The following FRAS1 variants were observed in gnomAD, a reference collection of about 807,000 sequenced individuals.
FRAS1 encodes Fraser extracellular matrix complex subunit 1.
FRAS1 carries 290 observed loss-of-function variants against 435.2 expected under a neutral mutation model. That is an observed-to-expected ratio of 0.67 (90% confidence interval 0.61 to 0.73). FRAS1 has a LOEUF of 0.73. Among genes scored for constraint, FRAS1 ranks in the 30% least tolerant of loss-of-function variants. The pLI is 0.00. For synonymous variants in FRAS1, 1,800 were observed against 1,851.0 expected (o/e 0.97, Z 0.71); for missense variants, 4,860 against 5,001.5 (o/e 0.97, Z 0.85).
chr4:78,280,580 CT>C (rs34405763), intron 10 of FRAS1, among the ~76,000 whole-genome samples: 10,014 of 141,782 alleles, frequency 0.071, 512 homozygotes, highest in East Asian at 0.3. Context: ...TTCCTCCATA[CT>C]TTTTTTTTTT....
intron 59 of FRAS1, among the ~76,000 whole-genome samples, chr4:78,494,200 T>C (rs988053166): frequency 6.6e-6 from 1 of 152,220 alleles, no homozygotes; most frequent in African/African-American, 2.4e-5. Context: ...CTGTTTTTAC[T>C]CAGCAATGTT....
intron 1 of FRAS1, among the ~76,000 whole-genome samples, chr4:78,063,219 G>A (rs1303303487): frequency 6.6e-6 from 1 of 152,166 alleles, no homozygotes; most frequent in Admixed American, 6.5e-5. Flanking sequence ...TCAACCAGAA[G>A]CTACACCCAG....
In FRAS1 at chr4:78,387,539, C is replaced by T; in HGVS notation, c.3813C>T (p.Ser1271=). 1 of 1,613,736 alleles carries T rather than the reference C, an allele frequency of 6.2e-7. No homozygotes were observed. The highest frequency in any genetic ancestry group is 8.5e-7 in the Non-Finnish European group (1 of 1,179,826). Residue 1271 remains serine (S), a synonymous_variant, in exon 29 of 74, where the codon TCC becomes TCT. Transcript: ENST00000512123. Reference sequence around the variant, plus strand: ...GCCAATTGCTTCAGACACTTCAGTCCCCGGCAACCCCTATCTATCAATTCC... The same window carrying T: ...GCCAATTGCTTCAGACACTTCAGTCTCCGGCAACCCCTATCTATCAATTCC... ...LHGQLLQTLQ[S]PATPIYQFQL... is the part of the protein sequence containing the mutation.
chr4:78,064,747 A>G (rs967399077), intron 1 of FRAS1, among the ~76,000 whole-genome samples: 3 of 151,878 alleles, frequency 2.0e-5, no homozygotes, highest in South Asian at 4.2e-4. Flanking sequence ...ACTGGAGGAG[A>G]AGGTAGACCA....
At chr4:78,509,165 G>A (rs200833353) in intron 63 of FRAS1, among the ~76,000 whole-genome samples, 159 bp downstream of exon 63, 1 of 70,540 alleles carries the variant, frequency 1.4e-5, no homozygotes, top group Non-Finnish European at 2.6e-5. Flanking sequence ...CATAAGAAAA[G>A]GTTATATGCT....
At chr4:78,105,232 C>T (rs1197399743) in intron 2 of FRAS1, among the ~76,000 whole-genome samples, 1 of 152,164 alleles carries the variant, frequency 6.6e-6, no homozygotes, top group Non-Finnish European at 1.5e-5. Flanking sequence ...TTGCCTTCCA[C>T]ATCTGCTCTG....
At chr4:78,196,276 G>A (rs991482782) in intron 2 of FRAS1, among the ~76,000 whole-genome samples, 1 of 152,092 alleles carries the variant, frequency 6.6e-6, no homozygotes, top group Non-Finnish European at 1.5e-5. Context: ...CAAAGTGCTG[G>A]GGTTACAGGT....
intron 15 of FRAS1, among the ~76,000 whole-genome samples, chr4:78,311,401 T>C (rs345525): frequency 0.64 from 97,872 of 151,990 alleles, 32,039 homozygotes; most frequent in Non-Finnish European, 0.7. Context: ...TTGTTCTCTC[T>C]CCTAGCCCTT....
In FRAS1 at chr4:78,511,313, C is replaced by A; in HGVS notation, c.9820C>A (p.Arg3274Ser). The change falls in exon 64 of 74, where the codon CGT (arginine) becomes AGT (serine). Residue 3274 changes from arginine (R) to serine (S), a missense_variant. Arg to Ser is a moderately radical substitution (Grantham distance 110). Coordinates refer to ENST00000512123, the MANE Select transcript of FRAS1 (RefSeq NM_025074.7). ...SIYFSRRFHV[R>S]CVAKAVDKVG... ...TTACTTCAGCCGGAGGTTCCATGTG[C>A]GTTGTGTGGCCAAGGCTGTGGACAA... The A allele has an allele frequency of 6.2e-7, 1 of 1,609,400 alleles. No homozygotes were observed. Among genetic ancestry groups the A allele is most frequent in the Non-Finnish European group, 8.5e-7 (1 of 1,176,380 alleles).
At chr4:78,405,068 A>C (rs1318369487) in intron 30 of FRAS1, among the ~76,000 whole-genome samples, 2 of 152,200 alleles carry the variant, frequency 1.3e-5, no homozygotes, top group African/African-American at 2.4e-5. Flanking sequence ...ATGGGTACTC[A>C]ATGACTATTT....
At chr4:78,112,748 A>T (rs988767123) in intron 2 of FRAS1, among the ~76,000 whole-genome samples, 5 of 152,008 alleles carry the variant, frequency 3.3e-5, no homozygotes, top group African/African-American at 1.2e-4. Context: ...TATATCTAAC[A>T]GTGTCTGACA....
At chr4:78,300,671 C>T (rs1728344823) in intron 14 of FRAS1, among the ~76,000 whole-genome samples, 1 of 152,094 alleles carries the variant, frequency 6.6e-6, no homozygotes, top group South Asian at 2.1e-4. Flanking sequence ...TATGACTTCA[C>T]ATGGTAATTA....
At chr4:78,394,564 A>G (rs1161112453) in intron 29 of FRAS1, among the ~76,000 whole-genome samples, 1 of 151,812 alleles carries the variant, frequency 6.6e-6, no homozygotes, top group African/African-American at 2.4e-5. Flanking sequence ...CCACTGGTCT[A>G]TGTATTTGTT....
At chr4:78,491,868 T>C (rs1469672072) in intron 59 of FRAS1, among the ~76,000 whole-genome samples, 20 of 152,232 alleles carry the variant, frequency 1.3e-4, no homozygotes, top group Non-Finnish European at 1.5e-5. Flanking sequence ...AAATTGTCTC[T>C]GTTTGCAGAT....
rs151287832 is a variant in FRAS1, at chr4:78,241,563, G to C, written c.217-3670G>C. Among the ~76,000 whole-genome samples the C allele has an allele frequency of 2.4e-3, 359 of 152,304 alleles. 3 individuals carry two copies. The highest frequency in any genetic ancestry group is 8.2e-3 in the African/African-American group (340 of 41,564). On this transcript the variant is annotated intron_variant, in intron 3 of 73. Transcript: ENST00000512123. ...CTAGAGAGAGAAATTGAAGAGATGG[G>C]AGTTAGAGGGGAGGAGAGACTGAGT...
intron 2 of FRAS1, among the ~76,000 whole-genome samples, chr4:78,208,458 A>G (rs1302243043): frequency 6.6e-6 from 1 of 152,246 alleles, no homozygotes; most frequent in Admixed American, 6.5e-5. Flanking sequence ...GTGAATCGCC[A>G]GAAAAAGAAT....
At chr4:78,192,186 T>A (rs1001394870) in intron 2 of FRAS1, among the ~76,000 whole-genome samples, 7 of 152,248 alleles carry the variant, frequency 4.6e-5, no homozygotes, top group African/African-American at 1.7e-4. Flanking sequence ...AGTTTGCCAG[T>A]ATTTTATTGA....
At chr4:78,180,901 C>G in intron 2 of FRAS1, 1 of 1,604,286 alleles carries the variant, frequency 6.2e-7, no homozygotes, top group Non-Finnish European at 8.5e-7. Flanking sequence ...GGGTCATCCA[C>G]ATCAGGAGCA....
intron 2 of FRAS1, among the ~76,000 whole-genome samples, chr4:78,133,364 C>T (rs1338236733): frequency 6.6e-6 from 1 of 151,340 alleles, no homozygotes; most frequent in Non-Finnish European, 1.5e-5. Context: ...GGATGTTTAC[C>T]AGAGGCTGGG....
Sources: gnomAD v4.1 joint callset for allele counts (sites outside exome capture counted in the v4.1 genomes callset) on GRCh38, gnomAD v4.1.1 for gene constraint, MANE v1.5 for transcripts, NCBI Gene and HGNC (gene_info 2026-07-23, HGNC 2026-07-21) for gene names.